CEP170: variants seen among roughly 807,000 people sequenced by gnomAD.
CEP170 encodes centrosomal protein of 170 kDa.
Under a neutral mutation model 151.9 loss-of-function variants are expected in CEP170, and 21 were observed. The observed-to-expected ratio is 0.14, with a 90% CI of 0.10 to 0.20. The LOEUF is 0.20. Among genes scored for constraint, CEP170 ranks in the 10% least tolerant of loss-of-function variants. The pLI is 1.00. For missense variants in CEP170, 964 were observed against 1,892.9 expected, an observed-to-expected ratio of 0.51 and a Z score of 9.11; for synonymous variants, 356 against 648.8, an observed-to-expected ratio of 0.55 and a Z score of 6.86.
intron 10 of CEP170, among the ~76,000 whole-genome samples, chr1:243,184,509 T>G: frequency 6.6e-6 from 1 of 151,916 alleles, no homozygotes; most frequent in Non-Finnish European, 1.5e-5. Context: ...GCTCACCTAT[T>G]TCCCAGACAA....
chr1:243,198,941 T>A (rs1175072140), intron 7 of CEP170, 119 bp downstream of exon 7: 12 of 699,930 alleles, frequency 1.7e-5, no homozygotes, highest in Admixed American at 6.1e-5. Flanking sequence ...TCATCAATTT[T>A]AAAAAATCAA....
rs770469101 is a variant in CEP170 at position 243,191,007 on chromosome 1, A to G, written c.1108+11T>C. The G allele has an allele frequency of 2.9e-5, 44 of 1,515,218 alleles. No individual in the cohort carries two copies. In the African/African-American group the frequency reaches 5.8e-4, roughly 20 times the overall value. The allele number at this position is 1,515,218 out of a possible 1,614,324, so 93.9% of individuals were successfully genotyped here. A position where few individuals can be genotyped will look rare whatever the true frequency, so the allele number is the denominator to read the frequency against. On this transcript the variant is annotated intron_variant, in intron 8 of 19. Coordinates refer to ENST00000366542, the MANE Select transcript of CEP170 (RefSeq NM_014812.3). ...TAAAGTAGGAAGTTCTGAATGATCAAATCACTTTACCTTTCAACCTTTTCA... is the reference window on the plus strand; with the variant it reads ...TAAAGTAGGAAGTTCTGAATGATCAGATCACTTTACCTTTCAACCTTTTCA...
At chr1:243,168,711 T>C (rs2058620636) in intron 12 of CEP170, among the ~76,000 whole-genome samples, 1 of 151,822 alleles carries the variant, frequency 6.6e-6, no homozygotes, top group Non-Finnish European at 1.5e-5. Flanking sequence ...GACCATCATC[T>C]CCTCATCCTC....
intron 1 of CEP170, among the ~76,000 whole-genome samples, chr1:243,242,748 T>C (rs2064980110): frequency 1.3e-5 from 2 of 152,150 alleles, no homozygotes; most frequent in Admixed American, 1.3e-4. Context: ...TCACCCAGGC[T>C]GGAGTGCAGT....
chr1:243,148,820 T>C (rs1410932465), intron 14 of CEP170, among the ~76,000 whole-genome samples: 1 of 152,062 alleles, frequency 6.6e-6, no homozygotes, highest in East Asian at 1.9e-4. Flanking sequence ...AGTTAATTTG[T>C]TAGATGTTAG....
chr1:243,159,763 TTGTGTGTGTG>T (rs565534328), intron 13 of CEP170, among the ~76,000 whole-genome samples: 21 of 127,164 alleles, frequency 1.7e-4, no homozygotes, highest in South Asian at 1.2e-3. Flanking sequence ...GTTTCCGGTT[TTGTGTGTGTG>T]TGTGTGTGTG....
At chr1:243,223,933 CA>C (rs757406941) in intron 2 of CEP170, among the ~76,000 whole-genome samples, 22 of 152,082 alleles carry the variant, frequency 1.4e-4, no homozygotes, top group East Asian at 9.7e-4. Flanking sequence ...GCACCCATGA[CA>C]GGAATTAAGC....
chr1:243,178,437 T>C (rs552719572), intron 10 of CEP170, among the ~76,000 whole-genome samples: 1 of 151,572 alleles, frequency 6.6e-6, no homozygotes, highest in Non-Finnish European at 1.5e-5. Flanking sequence ...TATGATTCCA[T>C]TTATACAAAA....
At chr1:243,201,471 C>A (rs2148839089) in intron 4 of CEP170, among the ~76,000 whole-genome samples, 1 of 152,196 alleles carries the variant, frequency 6.6e-6, no homozygotes, top group South Asian at 2.1e-4. Context: ...CCAAAAAGAA[C>A]ACTGCCTCTG....
At chr1:243,241,683 G>A (rs949444855) in intron 1 of CEP170, among the ~76,000 whole-genome samples, 12 of 151,672 alleles carry the variant, frequency 7.9e-5, no homozygotes, top group African/African-American at 2.9e-4. Flanking sequence ...CCAGCTAATC[G>A]GGTGGCTGAA....
rs142055725 is a variant in CEP170 at position 243,215,294 on chromosome 1, G to A, written c.196-3330C>T. On this transcript the variant is annotated intron_variant, in intron 3 of 19. Transcript: ENST00000366542. ...CTTGAAAAAAGAACAGGATAACAGC[G>A]ATGTTCAGGGAACAAGGGAGATAAC... is the stretch of plus-strand genomic sequence containing the variant. 7.2e-3 allele frequency among the ~76,000 whole-genome samples: 1,089 copies of A among 152,216 alleles called. 5 individuals are homozygous for A. Among genetic ancestry groups the A allele is most frequent in the Non-Finnish European group, 0.011 (731 of 68,000 alleles).
intron 14 of CEP170, among the ~76,000 whole-genome samples, chr1:243,150,308 A>G (rs565953902): frequency 6.6e-6 from 1 of 151,948 alleles, no homozygotes; most frequent in East Asian, 1.9e-4. Context: ...ATGCCATCAC[A>G]CCCGGCTAAT....
rs149717193 is a variant in CEP170, at chr1:243,234,192, T to C, written c.-41-8871A>G. On this transcript the variant is annotated intron_variant, in intron 1 of 19. Transcript: ENST00000366542. ...ACATTAGGACTATCGGTCTACACAG[T>C]AGAGAAAGAAATAGCTGGCCTCACA... Among the ~76,000 whole-genome samples the C allele has an allele frequency of 6.7e-3, 1,017 of 152,124 alleles. 13 individuals carry two copies. The highest frequency in any genetic ancestry group is 0.023 in the African/African-American group (966 of 41,514).
At chr1:243,245,819 G>A (rs1397799475) in intron 1 of CEP170, among the ~76,000 whole-genome samples, 2 of 152,042 alleles carry the variant, frequency 1.3e-5, no homozygotes, top group Non-Finnish European at 2.9e-5. Context: ...GGCAGCCCAT[G>A]CCTACAGTCC....
At chr1:243,253,569 A>G (rs1335834) in intron 1 of CEP170, among the ~76,000 whole-genome samples, 145,478 of 152,284 alleles carry the variant, frequency 0.96, 69,867 homozygotes, top group East Asian at 1. Flanking sequence ...AAAAAATAAT[A>G]ACAGAAAAAT....
chr1:243,205,537 A>AC (rs1371124872), intron 4 of CEP170, among the ~76,000 whole-genome samples: 9 of 152,182 alleles, frequency 5.9e-5, no homozygotes, highest in African/African-American at 1.4e-4. Context: ...GAGTTTACTG[A>AC]CCCCCCACAG....
chr1:243,231,218 ATT>A (rs1179684364), intron 1 of CEP170, among the ~76,000 whole-genome samples: 2 of 150,388 alleles, frequency 1.3e-5, no homozygotes. Context: ...CATCATTATT[ATT>A]TTTTTTAAGC....
At chr1:243,151,375 GAATGC>G (rs2057058087) in intron 14 of CEP170, among the ~76,000 whole-genome samples, 4 of 151,080 alleles carry the variant, frequency 2.6e-5, no homozygotes, top group Admixed American at 2.0e-4. Flanking sequence ...GCCAAGTTGT[GAATGC>G]AAAGGAAAAG....
At chr1:243,232,432 T>C (rs1220473938) in intron 1 of CEP170, among the ~76,000 whole-genome samples, 1 of 152,198 alleles carries the variant, frequency 6.6e-6, no homozygotes, top group African/African-American at 2.4e-5. Flanking sequence ...GTAAGTTTAT[T>C]CCCATTCCCC....
Sources: allele counts gnomAD v4.1 joint callset (sites outside exome capture counted in the v4.1 genomes callset), GRCh38; gene constraint gnomAD v4.1.1; transcripts MANE v1.5; gene names NCBI Gene and HGNC (gene_info 2026-07-23, HGNC 2026-07-21).